The following DYSF variants were observed in gnomAD, a reference collection of about 807,000 sequenced individuals.
The protein encoded by DYSF is dysferlin, also known as dystrophy-associated fer-1-like 1.
A neutral mutation model predicts 274.9 loss-of-function variants in DYSF; 212 were observed. The ratio of observed to expected loss-of-function variants is 0.77; its 90% CI spans 0.69 to 0.86. The LOEUF (loss-of-function observed/expected upper bound fraction) is 0.86, where lower values mean the gene tolerates loss of function less well. DYSF is among the 40% of genes least tolerant of loss of function. The probability of loss-of-function intolerance (pLI) is 0.00; values close to 1 mark genes in which losing one functional copy is unlikely to be tolerated. For missense variants in DYSF, 2,666 were observed against 2,783.2 expected (o/e 0.96, Z 0.95); for synonymous variants, 1,091 against 1,078.7 (o/e 1.01, Z -0.22).
intron 20 of DYSF, 81 bp downstream of exon 20, chr2:71,553,269 A>T: frequency 6.3e-7 from 1 of 1,597,086 alleles, no homozygotes; most frequent in Non-Finnish European, 8.5e-7. Flanking sequence ...CCTCCCATGG[A>T]AAGCTGCCAG....
chr2:71,531,964 C>A (rs1487880051), intron 14 of DYSF, among the ~76,000 whole-genome samples: 2 of 152,188 alleles, frequency 1.3e-5, no homozygotes, highest in Non-Finnish European at 2.9e-5. Context: ...AACCCTGCTT[C>A]TTCTCTGAGG....
At chr2:71,579,815 G>A (rs2092827233) in intron 30 of DYSF, among the ~76,000 whole-genome samples, 1 of 152,216 alleles carries the variant, frequency 6.6e-6, no homozygotes, top group Admixed American at 6.5e-5. Context: ...AGCCACACCT[G>A]CCGAGTGGCC....
In DYSF at chr2:71,656,280, G is replaced by T; in HGVS notation, c.4745G>T (p.Gly1582Val). The change falls in exon 43 of 56, where the codon GGT (glycine) becomes GTT (valine). Residue 1582 changes from glycine to valine, a missense_variant. Transcript: ENST00000410020. ...GAGACAGAAGATCCATCTGTGATTGGTGAATTTAAGGTAAATCCTCGAAGA... is the reference window on the plus strand; with the variant it reads ...GAGACAGAAGATCCATCTGTGATTGTTGAATTTAAGGTAAATCCTCGAAGA... ...QEETEDPSVI[G>V]EFKGLFKIYP... 1 of 1,614,142 alleles carries T rather than the reference G, an allele frequency of 6.2e-7. No homozygotes were observed. Among genetic ancestry groups the T allele is most frequent in the East Asian group, 2.2e-5 (1 of 44,878 alleles).
intron 24 of DYSF, 127 bp downstream of exon 24, chr2:71,564,340 A>G: frequency 7.4e-7 from 1 of 1,350,660 alleles, no homozygotes; most frequent in African/African-American, 1.4e-5. Flanking sequence ...TGGAAGGAGA[A>G]GAGGTCTTTG....
chr2:71,461,003 G>C (rs1325055863), intron 1 of DYSF, among the ~76,000 whole-genome samples: 1 of 151,998 alleles, frequency 6.6e-6, no homozygotes, highest in Non-Finnish European at 1.5e-5. Flanking sequence ...GTCCCTCTAG[G>C]GGGCAGTACT....
At position 71,611,460 on chromosome 2, in the gene DYSF, C is replaced by T. The variant is rs754635537; in HGVS notation, c.4060-5C>T. ...TGAGCCACTCTCCTCATTCTGTGTG[C>T]TTAGATCCTGGCATGGGGCCTGCGG... is the stretch of plus-strand genomic sequence containing the variant. On this transcript the variant is annotated splice_polypyrimidine_tract_variant and splice_region_variant and intron_variant, in intron 37 of 55. Coordinates refer to ENST00000410020, the MANE Select transcript of DYSF (RefSeq NM_001130987.2). 1.1e-5 allele frequency: 17 copies of T among 1,614,154 alleles called. No homozygotes were observed. Among genetic ancestry groups the T allele is most frequent in the Non-Finnish European group, 1.4e-5 (16 of 1,180,034 alleles).
At chr2:71,456,798 C>T (rs1318011249) in intron 1 of DYSF, among the ~76,000 whole-genome samples, 2 of 152,140 alleles carry the variant, frequency 1.3e-5, no homozygotes, top group African/African-American at 4.8e-5. Flanking sequence ...CTCATCAGTG[C>T]CCTCTGTTGT....
chr2:71,498,505 A>T (rs1419132940), intron 3 of DYSF, among the ~76,000 whole-genome samples: 1 of 152,158 alleles, frequency 6.6e-6, no homozygotes, highest in Non-Finnish European at 1.5e-5. Context: ...AATACCTCAA[A>T]CACCAATCTT....
intron 1 of DYSF, among the ~76,000 whole-genome samples, chr2:71,479,653 G>A (rs2082723207): frequency 6.6e-6 from 1 of 152,172 alleles, no homozygotes; most frequent in Non-Finnish European, 1.5e-5. Context: ...AGCCTCACCT[G>A]CCCACCTCAC....
Position 71,568,206 on chromosome 2 carries a change from A to G in DYSF, c.2732A>G (p.Asn911Ser). ...ENETKLALVG[N>S]WGTTGLTYPK... ...GAGACTAAGTTGGCCCTTGTTGGGA[A>G]CTGGGGCACAACGGGCCTCACCTAC... Residue 911 changes from asparagine to serine, a missense_variant, in exon 26 of 56, where the codon AAC becomes AGC. Asn to Ser is a conservative substitution (Grantham distance 46). Transcript: ENST00000410020. The G allele has an allele frequency of 6.2e-7, 1 of 1,614,182 alleles. No homozygotes were observed. Among genetic ancestry groups the G allele is most frequent in the Non-Finnish European group, 8.5e-7 (1 of 1,180,026 alleles).
chr2:71,620,468 G>A lies in DYSF; in HGVS notation c.4465-79G>A, dbSNP rs148800982. On this transcript the variant is annotated intron_variant, in intron 40 of 55. Coordinates refer to ENST00000410020, the MANE Select transcript of DYSF (RefSeq NM_001130987.2). Reference sequence around the variant, plus strand: ...AGCAGAGGGTGCCTGGTCAGAGAGCGCTACCTCTTGGAGACTGTCCAGCCT... The same window carrying A: ...AGCAGAGGGTGCCTGGTCAGAGAGCACTACCTCTTGGAGACTGTCCAGCCT... 7.2e-4 allele frequency: 1,039 copies of A among 1,452,036 alleles called. 6 individuals are homozygous for A. In the African/African-American group the frequency reaches 0.013, roughly 18 times the overall value. The allele number at this position is 1,452,036 out of a possible 1,614,324, so 89.9% of individuals were successfully genotyped here.
upstream of DYSF, among the ~76,000 whole-genome samples, chr2:71,464,272 G>T (rs1573261891): frequency 6.6e-6 from 1 of 152,224 alleles, no homozygotes; most frequent in Non-Finnish European, 1.5e-5. Flanking sequence ...TTTGCACCAG[G>T]TGCTGTTTCA....
At position 71,570,273 on chromosome 2, in the gene DYSF, G is replaced by A. The variant is rs1553555439; in HGVS notation, c.3024G>A (p.Leu1008=). Residue 1008 remains leucine, a synonymous_variant, in exon 28 of 56, where the codon CTG becomes CTA. Coordinates refer to ENST00000410020, the MANE Select transcript of DYSF (RefSeq NM_001130987.2). ...CCAAGGATGACATTGAGTGCCCACT[G>A]GGCTGGAAGTGGGAAGATGAGGAAT... is the stretch of plus-strand genomic sequence containing the variant. ...VLPKDDIECP[L]GWKWEDEEWS... is the part of the protein sequence containing the mutation. 4 of 1,614,056 alleles carry A rather than the reference G, an allele frequency of 2.5e-6. No individual in the cohort carries two copies. Among genetic ancestry groups the A allele is most frequent in the African/African-American group, 1.3e-5 (1 of 74,918 alleles).
At chr2:71,586,152 C>T (rs1011830815) in intron 30 of DYSF, among the ~76,000 whole-genome samples, 1 of 152,012 alleles carries the variant, frequency 6.6e-6, no homozygotes, top group African/African-American at 2.4e-5. Flanking sequence ...ATGGAGAGCC[C>T]AGTCTCCCCT....
intron 41 of DYSF, among the ~76,000 whole-genome samples, chr2:71,637,134 G>A (rs1017223792): frequency 1.7e-4 from 26 of 152,336 alleles, no homozygotes; most frequent in African/African-American, 4.6e-4. Flanking sequence ...CAAAGGGAAC[G>A]TGTGGGCAGA....
intron 12 of DYSF, among the ~76,000 whole-genome samples, chr2:71,522,401 T>C (rs542208032): frequency 7.2e-5 from 11 of 152,220 alleles, no homozygotes; most frequent in African/African-American, 2.6e-4. Context: ...CCTCTGTTGT[T>C]AGACTGCACC....
chr2:71,672,046 T>A (rs192571986), intron 51 of DYSF, among the ~76,000 whole-genome samples: 170 of 151,948 alleles, frequency 1.1e-3, no homozygotes, highest in African/African-American at 3.9e-3. Context: ...GAAGGGACGT[T>A]CTCCGTGATG....
chr2:71,493,893 G>A (rs779691294), intron 3 of DYSF, among the ~76,000 whole-genome samples: 46 of 140,054 alleles, frequency 3.3e-4, no homozygotes, highest in Non-Finnish European at 5.6e-4. Flanking sequence ...GAAACACAAA[G>A]GTTTTTTAGA....
At chr2:71,464,769 A>G (rs4322872), upstream of DYSF, among the ~76,000 whole-genome samples, 5,133 of 152,222 alleles carry the variant, frequency 0.034, 161 homozygotes, top group African/African-American at 0.082. Flanking sequence ...ATGAGAATTG[A>G]ATTGAGGATA....
Sources: gnomAD v4.1 joint callset for allele counts (sites outside exome capture counted in the v4.1 genomes callset) on GRCh38, gnomAD v4.1.1 for gene constraint, MANE v1.5 for transcripts, NCBI Gene and HGNC (gene_info 2026-07-23, HGNC 2026-07-21) for gene names.